GPC5: variants seen among roughly 807,000 people sequenced by gnomAD.
The protein encoded by GPC5 is glypican 5.
Under a neutral mutation model 53.9 loss-of-function variants are expected in GPC5, and 47 were observed. That is an observed-to-expected ratio of 0.87 (90% confidence interval 0.69 to 1.11). The LOEUF (loss-of-function observed/expected upper bound fraction) is 1.11, where lower values mean the gene tolerates loss of function less well. GPC5 is among the 50% of genes most tolerant of loss of function. GPC5 has a pLI of 0.00. For synonymous variants in GPC5, 286 were observed against 263.3 expected, an observed-to-expected ratio of 1.09 and a Z score of -0.84; for missense variants, 748 against 713.1, an observed-to-expected ratio of 1.05 and a Z score of -0.56.
intron 7 of GPC5, among the ~76,000 whole-genome samples, chr13:92,434,191 G>T (rs1225280660): frequency 1.3e-5 from 2 of 152,044 alleles, no homozygotes; most frequent in African/African-American, 2.4e-5. Context: ...CTGTAGCAGG[G>T]TTATTCACAG....
At chr13:91,847,607 G>C (rs2038866744) in intron 5 of GPC5, among the ~76,000 whole-genome samples, 1 of 152,132 alleles carries the variant, frequency 6.6e-6, no homozygotes, top group South Asian at 2.1e-4. Flanking sequence ...AGAATAAGAA[G>C]TAATTAAGAT....
At chr13:92,440,508 G>A (rs9561044) in intron 7 of GPC5, among the ~76,000 whole-genome samples, 7 of 152,228 alleles carry the variant, frequency 4.6e-5, no homozygotes, top group East Asian at 3.9e-4. Context: ...CCATCAATGG[G>A]CATCTAAGTA....
chr13:92,484,452 C>T (rs184948640), intron 7 of GPC5, among the ~76,000 whole-genome samples: 33 of 152,248 alleles, frequency 2.2e-4, no homozygotes, highest in African/African-American at 7.5e-4. Flanking sequence ...TATACATAAT[C>T]ATGTAGGCTA....
chr13:92,244,267 G>A (rs776753420), intron 7 of GPC5, among the ~76,000 whole-genome samples: 7 of 152,050 alleles, frequency 4.6e-5, no homozygotes, highest in East Asian at 1.9e-4. Flanking sequence ...TTAATGTCCC[G>A]GCATTGATTT....
intron 2 of GPC5, among the ~76,000 whole-genome samples, chr13:91,590,025 A>T (rs2032739388): frequency 6.6e-6 from 1 of 151,956 alleles, no homozygotes; most frequent in Non-Finnish European, 1.5e-5. Context: ...ATGCTTTTGA[A>T]TTTCTAGAAT....
At chr13:91,745,050 T>C (rs1399779180) in intron 4 of GPC5, among the ~76,000 whole-genome samples, 1 of 152,160 alleles carries the variant, frequency 6.6e-6, no homozygotes, top group African/African-American at 2.4e-5. Flanking sequence ...TTTTAAATCT[T>C]GAACACTTGG....
At chr13:91,463,386 T>C (rs1430516854) in intron 2 of GPC5, among the ~76,000 whole-genome samples, 1 of 152,090 alleles carries the variant, frequency 6.6e-6, no homozygotes. Flanking sequence ...CAACTGTATA[T>C]TGGAAAATTT....
At chr13:92,369,365 A>ATGAGGTTT (rs1161393229) in intron 7 of GPC5, among the ~76,000 whole-genome samples, 1 of 152,062 alleles carries the variant, frequency 6.6e-6, no homozygotes, top group Non-Finnish European at 1.5e-5. Context: ...TTTTGTAGAA[A>ATGAGGTTT]TGAGGTTTTG....
rs1888891715 is a variant in GPC5, at chr13:92,734,674, T to C, written c.1562-131608T>C. 2.6e-5 allele frequency among the ~76,000 whole-genome samples: 4 copies of C among 151,942 alleles called. No individual in the cohort carries two copies. The South Asian group carries it at 8.3e-4, about 31-fold the overall frequency. On this transcript the variant is annotated intron_variant, in intron 7 of 7. Coordinates refer to ENST00000377067, the MANE Select transcript of GPC5 (RefSeq NM_004466.6). ...ACACTATTGTGATGTTTATTAAATA[T>C]GGCATTATTTTCAAATTAGAAAATG... is the stretch of plus-strand genomic sequence containing the variant.
intron 7 of GPC5, among the ~76,000 whole-genome samples, chr13:92,421,180 T>A (rs1040233829): frequency 1.4e-4 from 21 of 152,174 alleles, no homozygotes. Flanking sequence ...TAGAGCGCAA[T>A]CCCTTTTCTA....
intron 5 of GPC5, among the ~76,000 whole-genome samples, chr13:91,773,690 G>A (rs189203886): frequency 3.8e-4 from 58 of 152,244 alleles, no homozygotes; most frequent in African/African-American, 1.3e-3. Flanking sequence ...AGTCCAGACC[G>A]ATAGATCAAG....
At chr13:92,736,607 T>G (rs762579937) in intron 7 of GPC5, among the ~76,000 whole-genome samples, 3 of 151,876 alleles carry the variant, frequency 2.0e-5, no homozygotes, top group Admixed American at 2.0e-4. Context: ...AAAAGCAGCT[T>G]TTGATGTGCT....
At chr13:92,503,160 G>C (rs1721670644) in intron 7 of GPC5, among the ~76,000 whole-genome samples, 1 of 151,856 alleles carries the variant, frequency 6.6e-6, no homozygotes, top group Non-Finnish European at 1.5e-5. Context: ...ATGAAGTCTT[G>C]GCTTTTAGTG....
At chr13:91,854,541 C>T (rs2038946906) in intron 5 of GPC5, among the ~76,000 whole-genome samples, 1 of 151,658 alleles carries the variant, frequency 6.6e-6, no homozygotes, top group Non-Finnish European at 1.5e-5. Flanking sequence ...TCCCCTCTTC[C>T]CCCTCCCCAA....
intron 5 of GPC5, among the ~76,000 whole-genome samples, chr13:91,883,569 C>G (rs2138954577): frequency 6.6e-6 from 1 of 152,188 alleles, no homozygotes; most frequent in Admixed American, 6.5e-5. Flanking sequence ...GGGCAAAAGC[C>G]CTGAGTCAGA....
intron 7 of GPC5, among the ~76,000 whole-genome samples, chr13:92,634,879 A>T (rs1024192475): frequency 2.6e-5 from 4 of 151,900 alleles, no homozygotes; most frequent in Non-Finnish European, 4.4e-5. Flanking sequence ...AAGTTTCCTT[A>T]TAATGCTTTC....
At chr13:92,831,562 C>G (rs2138821685) in intron 7 of GPC5, among the ~76,000 whole-genome samples, 1 of 152,220 alleles carries the variant, frequency 6.6e-6, no homozygotes, top group Admixed American at 6.5e-5. Flanking sequence ...TGTATGAAGA[C>G]ATCATAGAAT....
chr13:91,489,385 G>A (rs145200112), intron 2 of GPC5, among the ~76,000 whole-genome samples: 2,077 of 152,134 alleles, frequency 0.014, 58 homozygotes, highest in African/African-American at 0.047. Flanking sequence ...TTCTCAGACC[G>A]GCTGCCACTT....
intron 7 of GPC5, among the ~76,000 whole-genome samples, chr13:92,379,321 A>C (rs571828389): frequency 4.6e-5 from 7 of 152,308 alleles, no homozygotes; most frequent in African/African-American, 1.7e-4. Context: ...GCCAGGCCCC[A>C]GTTTGAGAGA....
Sources: allele counts gnomAD v4.1 joint callset (sites outside exome capture counted in the v4.1 genomes callset), GRCh38; gene constraint gnomAD v4.1.1; transcripts MANE v1.5; gene names NCBI Gene and HGNC (gene_info 2026-07-23, HGNC 2026-07-21).